The following TUT4 variants were observed in gnomAD, a reference collection of about 807,000 sequenced individuals.
TUT4 encodes terminal uridylyl transferase 4, also known as terminal uridylyltransferase 4.
A neutral mutation model predicts 192.2 loss-of-function variants in TUT4; 36 were observed. The ratio of observed to expected loss-of-function variants is 0.19; its 90% CI spans 0.14 to 0.25. TUT4 has a LOEUF of 0.25. TUT4 is among the 10% of genes least tolerant of loss of function. The pLI is 1.00. For missense variants in TUT4, 1,493 were observed against 1,957.2 expected, an observed-to-expected ratio of 0.76 and a Z score of 4.47; for synonymous variants, 618 against 666.0, an observed-to-expected ratio of 0.93 and a Z score of 1.11.
At position 52,468,481 on chromosome 1, in the gene TUT4, C is replaced by T. The variant is rs150717541; in HGVS notation, c.2879-214G>A. 4.7e-5 allele frequency: 21 copies of T among 447,088 alleles called. No individual in the cohort carries two copies. The East Asian group carries it at 5.9e-4, about 13-fold the overall frequency. 27.7% of individuals were successfully genotyped at this position (447,088 alleles called of 1,614,324 possible). On this transcript the variant is annotated intron_variant, in intron 14 of 29. Transcript: ENST00000257177. Reference sequence around the variant, plus strand: ...TGTTTTAGCAACCCAGGGGAAGAAACGAAAATAAATGAAACAGAAAAATAA... The same window carrying T: ...TGTTTTAGCAACCCAGGGGAAGAAATGAAAATAAATGAAACAGAAAAATAA...
chr1:52,425,340 C>T lies in TUT4; in HGVS notation c.4870+9G>A. 1 of 1,611,706 alleles carries T rather than the reference C, an allele frequency of 6.2e-7. No homozygotes were observed. The highest frequency in any genetic ancestry group is 2.2e-5 in the East Asian group (1 of 44,820). On this transcript the variant is annotated intron_variant, in intron 29 of 29. Coordinates refer to ENST00000257177, the MANE Select transcript of TUT4 (RefSeq NM_001009881.3). ...CCAAGCCTGTTAACTAATTTGTAAG[C>T]AGTGGTACCTTGAGTATAGAAAGGT...
chr1:52,521,967 A>G (rs1680406854), intron 2 of TUT4, among the ~76,000 whole-genome samples: 1 of 152,002 alleles, frequency 6.6e-6, no homozygotes, highest in African/African-American at 2.4e-5. Context: ...TCTGTCTCCA[A>G]AAAAAAAGAT....
intron 4 of TUT4, among the ~76,000 whole-genome samples, chr1:52,503,121 CCTACAA>C (rs1188414440): frequency 6.6e-6 from 1 of 152,134 alleles, no homozygotes; most frequent in Non-Finnish European, 1.5e-5. Flanking sequence ...TAAATATCGT[CCTACAA>C]CTACAAGGTG....
At chr1:52,501,498 T>C (rs548753358) in intron 4 of TUT4, among the ~76,000 whole-genome samples, 80 of 152,178 alleles carry the variant, frequency 5.3e-4, no homozygotes, top group Non-Finnish European at 7.4e-4. Context: ...GGAACCCTTG[T>C]GCATTACTGG....
intron 16 of TUT4, chr1:52,462,574 G>T (rs1247212581): frequency 3.7e-6 from 1 of 269,030 alleles, no homozygotes; most frequent in Non-Finnish European, 5.7e-6. Flanking sequence ...ATAAAATCAA[G>T]ATAATCATAA....
chr1:52,474,977 G>C lies in TUT4; in HGVS notation c.2582C>G (p.Ser861Ter). 6.2e-7 allele frequency: 1 copy of C among 1,614,188 alleles called. No homozygotes were observed. The highest frequency in any genetic ancestry group is 8.5e-7 in the Non-Finnish European group (1 of 1,180,036). Reference sequence around the variant, plus strand: ...TGTGTCGGTGCACACACTCTGATGTGAACTCTCTGTTTCTAAATTTGACCT... The same window carrying C: ...TGTGTCGGTGCACACACTCTGATGTCAACTCTCTGTTTCTAAATTTGACCT... ...DCRSNLETESSHQSVCTDTSA... is the reference protein window; with the variant it reads ...DCRSNLETES The change falls in exon 13 of 30, where the codon TCA (serine) becomes TGA (stop). Residue 861 changes from serine to a stop codon, truncating the protein, a stop_gained. Coordinates refer to ENST00000257177, the MANE Select transcript of TUT4 (RefSeq NM_001009881.3). LOFTEE classifies it high-confidence loss of function.
At chr1:52,541,757 T>C (rs778288586) in intron 1 of TUT4, among the ~76,000 whole-genome samples, 1 of 152,328 alleles carries the variant, frequency 6.6e-6, no homozygotes, top group African/African-American at 2.4e-5. Flanking sequence ...TTAAAACTTT[T>C]GTATTTCAAT....
At chr1:52,521,920 A>G (rs576334155) in intron 2 of TUT4, among the ~76,000 whole-genome samples, 1 of 151,954 alleles carries the variant, frequency 6.6e-6, no homozygotes, top group South Asian at 2.1e-4. Context: ...AGCCAAGATC[A>G]TACCACTGCA....
At chr1:52,531,633 C>T (rs993083044) in intron 1 of TUT4, among the ~76,000 whole-genome samples, 14 of 152,048 alleles carry the variant, frequency 9.2e-5, no homozygotes, top group African/African-American at 3.4e-4. Flanking sequence ...TAATTGTTCA[C>T]ACTTTAAAAA....
chr1:52,520,983 G>A (rs747282515), intron 2 of TUT4, among the ~76,000 whole-genome samples: 1 of 152,012 alleles, frequency 6.6e-6, no homozygotes, highest in Non-Finnish European at 1.5e-5. Flanking sequence ...TAGTAGAAAC[G>A]GGATTTCACC....
At chr1:52,528,178 C>CAAAAAAAAAAAAAAAAAAAAAAAAAAAAA (rs1557967335) in intron 1 of TUT4, among the ~76,000 whole-genome samples, 1 of 143,372 alleles carries the variant, frequency 7.0e-6, no homozygotes, top group African/African-American at 2.6e-5. Flanking sequence ...GACTCCATCT[C>CAAAAAAAAAAAAAAAAAAAAAAAAAAAAA]GAAAAAAATA....
intron 28 of TUT4, among the ~76,000 whole-genome samples, chr1:52,427,512 C>T (rs771361334): frequency 1.8e-4 from 28 of 152,210 alleles, no homozygotes; most frequent in Non-Finnish European, 3.4e-4. Flanking sequence ...GGGCAAAACA[C>T]TGGGTCTGTC....
intron 1 of TUT4, among the ~76,000 whole-genome samples, chr1:52,547,186 A>T (rs946176963): frequency 6.7e-6 from 1 of 149,698 alleles, no homozygotes; most frequent in Non-Finnish European, 1.5e-5. Flanking sequence ...TCTAGTATCC[A>T]GAATATATTG....
chr1:52,518,769 G>A (rs1679383475), intron 2 of TUT4, among the ~76,000 whole-genome samples: 1 of 152,170 alleles, frequency 6.6e-6, no homozygotes, highest in Non-Finnish European at 1.5e-5. Context: ...CAAATACATA[G>A]AAACAGAAAG....
At chr1:52,525,146 T>C (rs1681380541) in intron 2 of TUT4, among the ~76,000 whole-genome samples, 1 of 147,508 alleles carries the variant, frequency 6.8e-6, no homozygotes. Flanking sequence ...GGGCTATGGG[T>C]TTTTTTGTTT....
chr1:52,497,101 T>A lies in TUT4; in HGVS notation c.1082A>T (p.Glu361Val), dbSNP rs1171674957. Residue 361 changes from glutamate to valine, a missense_variant, in exon 5 of 30, where the codon GAA becomes GTA. Physicochemically the swap from Glu to Val is moderately radical, Grantham distance 121. This residue lies in a region of TUT4 where 437 missense variants were observed against 577.6 expected (regional missense o/e 0.76). Coordinates refer to ENST00000257177, the MANE Select transcript of TUT4 (RefSeq NM_001009881.3). ...HLAALSVAVI[E>V]LAKEHGITDD... ...TGTTATTCCATGTTCTTTTGCTAATTCAATGACTGCAACACTTAAAGCAGC... is the reference window on the plus strand; with the variant it reads ...TGTTATTCCATGTTCTTTTGCTAATACAATGACTGCAACACTTAAAGCAGC... 1 of 1,614,064 alleles carries A rather than the reference T, an allele frequency of 6.2e-7. No homozygotes were observed. Among genetic ancestry groups the A allele is most frequent in the Non-Finnish European group, 8.5e-7 (1 of 1,179,974 alleles).
intron 11 of TUT4, among the ~76,000 whole-genome samples, chr1:52,478,733 C>A (rs1667726382): frequency 6.6e-6 from 1 of 152,110 alleles, no homozygotes; most frequent in South Asian, 2.1e-4. Flanking sequence ...CACCTGAATT[C>A]CAAAGAATTA....
intron 25 of TUT4, 49 bp downstream of exon 25, chr1:52,438,171 G>C (rs552705396): frequency 1.4e-6 from 2 of 1,387,700 alleles, no homozygotes; most frequent in African/African-American, 2.9e-5. Context: ...CTACAAATTG[G>C]CCTCTCATTT....
rs527705138 is a variant in TUT4, at chr1:52,453,232, A to G, written c.3435+5104T>C. Among the ~76,000 whole-genome samples, 14 of 152,180 alleles carry G rather than the reference A, an allele frequency of 9.2e-5. No homozygotes were observed. In the East Asian group the frequency reaches 2.7e-3, roughly 29 times the overall value. On this transcript the variant is annotated intron_variant, in intron 20 of 29. Transcript: ENST00000257177. ...CCGTCTCTACTAAAAATACAAAAAA[A>G]TTAGCCGGGCATGGTGGTGGGCACT...
Sources: allele counts gnomAD v4.1 joint callset (sites outside exome capture counted in the v4.1 genomes callset), GRCh38; gene constraint gnomAD v4.1.1; regional missense constraint gnomAD v4.1.1; transcripts MANE v1.5; gene names NCBI Gene and HGNC (gene_info 2026-07-23, HGNC 2026-07-21).